RBFOX1: variants seen among roughly 807,000 people sequenced by gnomAD.
The protein encoded by RBFOX1 is RNA binding fox-1 homolog 1, also known as RNA binding protein fox-1 homolog 1.
RBFOX1 carries 8 observed loss-of-function variants against 57.7 expected under a neutral mutation model. The observed-to-expected ratio is 0.14, with a 90% confidence interval of 0.08 to 0.25. The LOEUF is 0.25. RBFOX1 is among the 10% of genes least tolerant of loss of function. RBFOX1 has a pLI of 1.00. For missense variants in RBFOX1, 611 were observed against 548.5 expected, an observed-to-expected ratio of 1.11 and a Z score of -1.14; for synonymous variants, 326 against 222.4, an observed-to-expected ratio of 1.47 and a Z score of -4.15.
intron 3 of RBFOX1, among the ~76,000 whole-genome samples, chr16:6,689,027 C>T (rs1454732199): frequency 6.6e-6 from 1 of 152,100 alleles, no homozygotes; most frequent in Non-Finnish European, 1.5e-5. Context: ...TTTCTTTATC[C>T]AGTCTATTAT....
At chr16:7,582,038 C>A (rs937948614) in intron 6 of RBFOX1, among the ~76,000 whole-genome samples, 18 of 151,318 alleles carry the variant, frequency 1.2e-4, no homozygotes, top group South Asian at 4.2e-4. Context: ...CCCCCCCCCC[C>A]CTTTTTTTTG....
intron 1 of RBFOX1, among the ~76,000 whole-genome samples, chr16:5,302,697 G>T (rs73510361): frequency 6.6e-6 from 1 of 152,100 alleles, no homozygotes; most frequent in African/African-American, 2.4e-5. Flanking sequence ...CCCTAGTAAT[G>T]CTCTTTGTCT....
At chr16:5,532,126 C>T (rs772981067) in intron 2 of RBFOX1, among the ~76,000 whole-genome samples, 3 of 152,148 alleles carry the variant, frequency 2.0e-5, no homozygotes, top group Non-Finnish European at 2.9e-5. Context: ...CAGGGCTTCC[C>T]AACCTCAACA....
chr16:6,579,493 G>C (rs1267062534), intron 2 of RBFOX1, among the ~76,000 whole-genome samples: 2 of 152,168 alleles, frequency 1.3e-5, no homozygotes, highest in African/African-American at 2.4e-5. Context: ...CTTCCATGCT[G>C]TTCTTGGGAT....
chr16:6,988,259 C>A (rs991556362), intron 3 of RBFOX1, among the ~76,000 whole-genome samples: 1 of 152,278 alleles, frequency 6.6e-6, no homozygotes, highest in African/African-American at 2.4e-5. Context: ...GCAGGACTTT[C>A]TCCTCTCAGC....
chr16:5,269,206 C>T (rs948440752), intron 1 of RBFOX1, among the ~76,000 whole-genome samples: 18 of 152,348 alleles, frequency 1.2e-4, no homozygotes, highest in Non-Finnish European at 2.5e-4. Flanking sequence ...CATGAGCCAC[C>T]GCACCAGGCC....
At chr16:6,784,584 C>T (rs2081599355) in intron 3 of RBFOX1, among the ~76,000 whole-genome samples, 1 of 152,110 alleles carries the variant, frequency 6.6e-6, no homozygotes, top group African/African-American at 2.4e-5. Context: ...TCTGAGAGGT[C>T]ACATATCTCT....
chr16:6,807,302 C>G (rs1356155198), intron 3 of RBFOX1, among the ~76,000 whole-genome samples: 2 of 152,076 alleles, frequency 1.3e-5, no homozygotes, highest in East Asian at 1.9e-4. Context: ...TTCAAGAGTT[C>G]TAGGGCATAC....
intron 3 of RBFOX1, among the ~76,000 whole-genome samples, chr16:6,904,518 T>C (rs1439779090): frequency 6.7e-6 from 1 of 149,916 alleles, no homozygotes; most frequent in Non-Finnish European, 1.5e-5. Context: ...GGAGAATTGT[T>C]TGAACCCAGG....
chr16:5,933,036 C>T lies in RBFOX1; in HGVS notation c.351+65701C>T, dbSNP rs12446129. 6.2e-3 allele frequency among the ~76,000 whole-genome samples: 948 copies of T among 152,234 alleles called. 11 individuals carry two copies. Among genetic ancestry groups the T allele is most frequent in the African/African-American group, 0.021 (885 of 41,548 alleles). Reference sequence around the variant, plus strand: ...TTAATAAAATGTAGAAAGCCCAGAGCCGAGGAAGCTGCAGCAGCCTTAGGT... The same window carrying T: ...TTAATAAAATGTAGAAAGCCCAGAGTCGAGGAAGCTGCAGCAGCCTTAGGT... On this transcript the variant is annotated intron_variant, in intron 4 of 19. Transcript: ENST00000641259.
chr16:6,688,995 C>T (rs1603423537), intron 3 of RBFOX1, among the ~76,000 whole-genome samples: 6 of 152,172 alleles, frequency 3.9e-5, no homozygotes, highest in Admixed American at 1.3e-4. Context: ...GCATAGTATT[C>T]CATGGTTTAT....
intron 2 of RBFOX1, among the ~76,000 whole-genome samples, chr16:6,442,566 G>GA (rs1391404276): frequency 7.7e-6 from 1 of 130,600 alleles, no homozygotes; most frequent in East Asian, 2.4e-4. Context: ...AAAAAAAAAA[G>GA]AAAAGAAAAA....
chr16:6,296,717 G>C (rs2078160548), intron 1 of RBFOX1, among the ~76,000 whole-genome samples: 1 of 152,212 alleles, frequency 6.6e-6, no homozygotes, highest in African/African-American at 2.4e-5. Context: ...ACCGTACCCA[G>C]CCTGTGTATT....
At chr16:6,499,649 C>T (rs1182350355) in intron 2 of RBFOX1, among the ~76,000 whole-genome samples, 2 of 152,066 alleles carry the variant, frequency 1.3e-5, no homozygotes, top group Non-Finnish European at 2.9e-5. Flanking sequence ...TTCAAGTTCT[C>T]ATTATTGTAA....
intron 3 of RBFOX1, among the ~76,000 whole-genome samples, chr16:5,722,504 G>A (rs1334341706): frequency 6.6e-6 from 1 of 152,162 alleles, no homozygotes; most frequent in African/African-American, 2.4e-5. Flanking sequence ...CCCGTGTCCA[G>A]GTGTCCCCAG....
intron 14 of RBFOX1, among the ~76,000 whole-genome samples, chr16:7,698,277 C>T (rs1040515633): frequency 6.6e-6 from 1 of 151,828 alleles, no homozygotes; most frequent in African/African-American, 2.4e-5. Context: ...TCCACCATGC[C>T]AGGACCCACC....
intron 2 of RBFOX1, among the ~76,000 whole-genome samples, chr16:6,576,654 CAGG>C (rs56673009): frequency 0.059 from 7,285 of 124,152 alleles, 566 homozygotes; most frequent in African/African-American, 0.17. Context: ...TTTTTGTTGG[CAGG>C]GTGAGGGAGG....
intron 4 of RBFOX1, among the ~76,000 whole-genome samples, chr16:7,495,488 T>G (rs2068320707): frequency 6.6e-6 from 1 of 152,216 alleles, no homozygotes; most frequent in Non-Finnish European, 1.5e-5. Flanking sequence ...TCTATTGTTT[T>G]TTGACTTTTT....
intron 3 of RBFOX1, among the ~76,000 whole-genome samples, chr16:6,719,597 C>A (rs1016456695): frequency 4.6e-5 from 7 of 151,638 alleles, no homozygotes; most frequent in South Asian, 2.1e-4. Flanking sequence ...CCCATCACCA[C>A]GCCCGGCTAA....
Sources: allele counts gnomAD v4.1 joint callset (sites outside exome capture counted in the v4.1 genomes callset), GRCh38; gene constraint gnomAD v4.1.1; transcripts MANE v1.5; gene names NCBI Gene and HGNC (gene_info 2026-07-23, HGNC 2026-07-21).